The following ADGRL2 variants were observed in gnomAD, a reference collection of about 807,000 sequenced individuals.
ADGRL2 encodes the protein adhesion G protein-coupled receptor L2, also known as calcium-independent alpha-latrotoxin receptor 2.
ADGRL2 carries 44 observed loss-of-function variants against 157.4 expected under a neutral mutation model. The observed-to-expected ratio is 0.28, with a 90% CI of 0.22 to 0.36. The LOEUF is 0.36. Among genes scored for constraint, ADGRL2 ranks in the 10% least tolerant of loss-of-function variants. The probability of loss-of-function intolerance (pLI) is 1.00; values close to 1 mark genes in which losing one functional copy is unlikely to be tolerated. For missense variants in ADGRL2, 1,510 were observed against 1,768.9 expected (o/e 0.85, Z 2.63); for synonymous variants, 585 against 624.7 (o/e 0.94, Z 0.95).
chr1:81,964,847 A>G lies in ADGRL2; in HGVS notation c.2018-1211A>G, dbSNP rs146320886. On this transcript the variant is annotated intron_variant, in intron 11 of 23. Transcript: ENST00000686636. Reference sequence around the variant, plus strand: ...AAATTTCAATATCAGAAATTAATGAATTTTTCATATAATTCCTTAGATTTC... The same window carrying G: ...AAATTTCAATATCAGAAATTAATGAGTTTTTCATATAATTCCTTAGATTTC... Among the ~76,000 whole-genome samples the G allele has an allele frequency of 3.8e-3, 581 of 152,200 alleles. 4 individuals are homozygous for G. The highest frequency in any genetic ancestry group is 0.013 in the African/African-American group (524 of 41,560).
intron 1 of ADGRL2, among the ~76,000 whole-genome samples, chr1:81,342,077 C>G (rs1360972846): frequency 6.6e-6 from 1 of 152,026 alleles, no homozygotes; most frequent in Non-Finnish European, 1.5e-5. Flanking sequence ...GAACACTGAA[C>G]CTGTGAAACA....
chr1:81,621,975 A>C (rs1327396433), intron 3 of ADGRL2, among the ~76,000 whole-genome samples: 2 of 152,190 alleles, frequency 1.3e-5, no homozygotes, highest in Admixed American at 1.3e-4. Flanking sequence ...GAGTGGTTCC[A>C]CCGTAGGTTG....
intron 1 of ADGRL2, among the ~76,000 whole-genome samples, chr1:81,710,512 C>T (rs1428746571): frequency 3.3e-5 from 5 of 150,308 alleles, no homozygotes; most frequent in East Asian, 2.0e-4. Context: ...CCCAGCTACT[C>T]GGGAGGCTGA....
intron 1 of ADGRL2, among the ~76,000 whole-genome samples, chr1:81,373,176 A>G (rs2076189936): frequency 6.6e-6 from 1 of 152,102 alleles, no homozygotes; most frequent in Admixed American, 6.6e-5. Flanking sequence ...ACCTTTTAGA[A>G]AGTGTCCAAT....
intron 2 of ADGRL2, among the ~76,000 whole-genome samples, chr1:81,880,448 G>A (rs796115430): frequency 9.2e-5 from 14 of 152,260 alleles, no homozygotes; most frequent in African/African-American, 3.1e-4. Flanking sequence ...ACAAGGTTCA[G>A]GTTCTTGTCT....
At chr1:81,768,806 C>A (rs565267800) in intron 2 of ADGRL2, among the ~76,000 whole-genome samples, 2 of 152,136 alleles carry the variant, frequency 1.3e-5, no homozygotes, top group East Asian at 3.9e-4. Flanking sequence ...TTAGGCCAGG[C>A]GATGTAGCTC....
chr1:81,814,632 T>C (rs1421711374), intron 1 of ADGRL2, among the ~76,000 whole-genome samples: 1 of 151,482 alleles, frequency 6.6e-6, no homozygotes, highest in Non-Finnish European at 1.5e-5. Flanking sequence ...TAGAAATTAA[T>C]ATTTTTATTT....
intron 2 of ADGRL2, among the ~76,000 whole-genome samples, chr1:81,567,949 T>C (rs2080599477): frequency 6.6e-6 from 1 of 152,118 alleles, no homozygotes; most frequent in East Asian, 1.9e-4. Context: ...AGTATTTCTT[T>C]GTATCTGAAA....
chr1:81,983,071 G>T (rs965746997), intron 19 of ADGRL2, among the ~76,000 whole-genome samples: 1 of 131,004 alleles, frequency 7.6e-6, no homozygotes, highest in Middle Eastern at 3.3e-3. Flanking sequence ...ATTATTGTAT[G>T]TTCATAATTT....
Position 81,356,952 on chromosome 1 carries a change from C to CAAAAAAAAAAA in ADGRL2, c.-302+50454_-302+50464dup, listed in dbSNP as rs757239865. 5.5e-3 allele frequency among the ~76,000 whole-genome samples: 304 copies of CAAAAAAAAAAA among 55,634 alleles called. 12 individuals are homozygous for CAAAAAAAAAAA. Among genetic ancestry groups the CAAAAAAAAAAA allele is most frequent in the African/African-American group, 0.021 (286 of 13,564 alleles). The allele number at this position is 55,634 out of a possible 152,430, so 36.5% of individuals were successfully genotyped here. A position where few individuals can be genotyped will look rare whatever the true frequency, so the allele number is the denominator to read the frequency against. On this transcript the variant is annotated intron_variant, in intron 1 of 24. Coordinates refer to the ADGRL2 transcript ENST00000370721. Reference sequence around the variant, plus strand: ...TGGGGGACAAAATGAGACTCCGTCTCAAAAAAAAAAAAAAAAAAAAAGAAG... The same window carrying CAAAAAAAAAAA: ...TGGGGGACAAAATGAGACTCCGTCTCAAAAAAAAAAAAAAAAAAAAAAAAAAAAAAAAGAAG...
At chr1:81,571,093 G>A (rs1220541816) in intron 2 of ADGRL2, among the ~76,000 whole-genome samples, 1 of 152,042 alleles carries the variant, frequency 6.6e-6, no homozygotes, top group African/African-American at 2.4e-5. Context: ...GGGAGGCTGA[G>A]GCGGGCAGAT....
At chr1:81,365,771 A>C (rs2076054787) in intron 1 of ADGRL2, among the ~76,000 whole-genome samples, 3 of 152,184 alleles carry the variant, frequency 2.0e-5, no homozygotes, top group Non-Finnish European at 4.4e-5. Flanking sequence ...ATTGGGTGTT[A>C]ATACCATTGA....
rs576260639 is a variant in ADGRL2, at chr1:81,552,362, G to A, written c.-247-28514G>A. ...TTTTCATCTGGGATCCATTGGTCCCGAGCACAGTTAGACCTGGATGACCTC... is the reference window on the plus strand; with the variant it reads ...TTTTCATCTGGGATCCATTGGTCCCAAGCACAGTTAGACCTGGATGACCTC... On this transcript the variant is annotated intron_variant, in intron 2 of 24. Transcript: ENST00000370721. Among the ~76,000 whole-genome samples the A allele has an allele frequency of 4.5e-4, 68 of 152,164 alleles. 1 individual carries two copies. Among genetic ancestry groups the A allele is most frequent in the Admixed American group, 2.9e-3 (45 of 15,284 alleles).
chr1:81,380,355 A>G (rs1438828207), intron 1 of ADGRL2, among the ~76,000 whole-genome samples: 4 of 152,222 alleles, frequency 2.6e-5, no homozygotes, highest in Admixed American at 2.6e-4. Flanking sequence ...TCTTTTTGAA[A>G]TAAGCATATT....
At chr1:81,501,137 A>G (rs2148012856) in intron 2 of ADGRL2, among the ~76,000 whole-genome samples, 1 of 152,350 alleles carries the variant, frequency 6.6e-6, no homozygotes, top group South Asian at 2.1e-4. Flanking sequence ...CTGCTGCCAC[A>G]ATGTTAATTG....
chr1:81,980,977 T>C (rs1661501864), intron 18 of ADGRL2: 2 of 453,856 alleles, frequency 4.4e-6, no homozygotes, highest in Non-Finnish European at 8.1e-6. Context: ...AACTATAATA[T>C]GCCTTTATTT....
At chr1:81,791,330 T>C (rs2087334543) in intron 2 of ADGRL2, among the ~76,000 whole-genome samples, 1 of 152,060 alleles carries the variant, frequency 6.6e-6, no homozygotes, top group South Asian at 2.1e-4. Flanking sequence ...AAGGTTTGAG[T>C]ATTGTGGGTA....
chr1:81,735,882 C>T (rs1490191129), intron 1 of ADGRL2, among the ~76,000 whole-genome samples: 5 of 151,086 alleles, frequency 3.3e-5, no homozygotes, highest in East Asian at 4.0e-4. Context: ...CGGTGGCTTA[C>T]GCCTGTAATC....
chr1:81,619,094 G>C (rs1275157432), intron 3 of ADGRL2, among the ~76,000 whole-genome samples: 5 of 152,078 alleles, frequency 3.3e-5, no homozygotes, highest in Non-Finnish European at 7.4e-5. Flanking sequence ...AAGCAATTTG[G>C]TCTAATCTCA....
Sources: allele counts gnomAD v4.1 joint callset (sites outside exome capture counted in the v4.1 genomes callset), GRCh38; gene constraint gnomAD v4.1.1; transcripts MANE v1.5; gene names NCBI Gene and HGNC (gene_info 2026-07-23, HGNC 2026-07-21).